The following URI1 variants were observed in gnomAD, a reference collection of about 807,000 sequenced individuals.
URI1 encodes the protein unconventional prefoldin RPB5 interactor 1.
Under a neutral mutation model 60.2 loss-of-function variants are expected in URI1, and 39 were observed. That is an observed-to-expected ratio of 0.65 (90% CI 0.50 to 0.85). The LOEUF (loss-of-function observed/expected upper bound fraction) is 0.85, where lower values mean the gene tolerates loss of function less well. URI1 is among the 40% of genes least tolerant of loss of function. The pLI is 0.00. For synonymous variants in URI1, 251 were observed against 236.8 expected, an observed-to-expected ratio of 1.06 and a Z score of -0.55; for missense variants, 691 against 665.9, an observed-to-expected ratio of 1.04 and a Z score of -0.42.
At chr19:29,968,747 A>AT (rs1177463072) in intron 1 of URI1, among the ~76,000 whole-genome samples, 1 of 150,606 alleles carries the variant, frequency 6.6e-6, no homozygotes, top group Non-Finnish European at 1.5e-5. Flanking sequence ...ATTTTTTTGT[A>AT]TTTTTAGTAG....
chr19:29,959,839 T>C (rs1455390535), intron 1 of URI1, among the ~76,000 whole-genome samples: 4 of 152,112 alleles, frequency 2.6e-5, no homozygotes. Flanking sequence ...CTTTCTACTT[T>C]ACTGATTTCT....
chr19:30,002,696 G>C (rs536165158), intron 4 of URI1, among the ~76,000 whole-genome samples: 1 of 151,806 alleles, frequency 6.6e-6, no homozygotes, highest in South Asian at 2.1e-4. Context: ...TTTTTGGGGT[G>C]GGGGGAAGTA....
At chr19:29,968,565 CTTTTTTT>C (rs35475321) in intron 1 of URI1, among the ~76,000 whole-genome samples, 63 of 74,402 alleles carry the variant, frequency 8.5e-4, no homozygotes, top group African/African-American at 2.9e-3. Flanking sequence ...CTAATTTTTT[CTTTTTTT>C]TTTTTTTTTT....
chr19:30,013,629 G>T (rs2056050187), intron 10 of URI1, among the ~76,000 whole-genome samples: 2 of 152,220 alleles, frequency 1.3e-5, no homozygotes, highest in Admixed American at 6.5e-5. Flanking sequence ...TTTGCATTTT[G>T]TATGGAAATG....
intron 1 of URI1, among the ~76,000 whole-genome samples, chr19:29,932,974 G>A (rs1407486859): frequency 6.6e-6 from 1 of 152,096 alleles, no homozygotes. Flanking sequence ...ATTTTTATAT[G>A]GTGAATCACC....
rs1439067178 is a variant in URI1 at position 30,010,139 on chromosome 19, TGGTTGGTAACAAAACA to T, written c.1035+789_1035+804del. Among the ~76,000 whole-genome samples the T allele has an allele frequency of 2.0e-5, 3 of 152,218 alleles. No individual in the cohort carries two copies. The South Asian group carries it at 6.2e-4, about 31-fold the overall frequency. On this transcript the variant is annotated intron_variant, in intron 8 of 10. Transcript: ENST00000392271. ...ATTTAAGGCCTAGAAGACATAGATC[TGGTTGGTAACAAAACA>T]GGAACTCTTTCGCCTCTGAGTGCCC...
intron 2 of URI1, among the ~76,000 whole-genome samples, chr19:29,981,365 T>C (rs1220924601): frequency 2.0e-5 from 3 of 152,230 alleles, no homozygotes; most frequent in Non-Finnish European, 2.9e-5. Context: ...ATTTCTCTCT[T>C]ACTTTCTACA....
At chr19:29,953,691 G>GTTT (rs71333422) in intron 1 of URI1, among the ~76,000 whole-genome samples, 4 of 147,156 alleles carry the variant, frequency 2.7e-5, no homozygotes, top group Admixed American at 6.7e-5. Context: ...TTTCTTATTA[G>GTTT]TTTTTTTTTT....
chr19:29,966,110 A>G (rs2055388202), intron 1 of URI1, among the ~76,000 whole-genome samples: 1 of 152,192 alleles, frequency 6.6e-6, no homozygotes, highest in Admixed American at 6.5e-5. Flanking sequence ...TAAAATTGAA[A>G]TGGTTTTCTT....
At chr19:29,962,436 CTAAG>C (rs908267928) in intron 1 of URI1, among the ~76,000 whole-genome samples, 1 of 130,104 alleles carries the variant, frequency 7.7e-6, no homozygotes, top group African/African-American at 2.9e-5. Context: ...TTCCTTTTCA[CTAAG>C]TAAGTCTCTG....
At chr19:29,944,140 C>CATGTATAT in intron 1 of URI1, among the ~76,000 whole-genome samples, 1 of 37,152 alleles carries the variant, frequency 2.7e-5, no homozygotes, top group South Asian at 8.2e-4. Context: ...CCCTGTCATT[C>CATGTATAT]ATATATATAT....
At chr19:29,986,472 T>C in intron 4 of URI1, 55 bp downstream of exon 4, 1 of 1,564,428 alleles carries the variant, frequency 6.4e-7, no homozygotes, top group East Asian at 2.4e-5. Context: ...CATTCACAGA[T>C]TGCCAAGCTG....
chr19:29,996,472 G>A (rs897582197), intron 4 of URI1, among the ~76,000 whole-genome samples: 3 of 146,194 alleles, frequency 2.1e-5, no homozygotes, highest in Non-Finnish European at 3.0e-5. Flanking sequence ...AGCTTTACAA[G>A]GGTGTTTTGT....
intron 8 of URI1, 72 bp downstream of exon 8, chr19:30,009,425 A>G: frequency 7.5e-7 from 1 of 1,334,238 alleles, no homozygotes; most frequent in South Asian, 1.4e-5. Context: ...TTTTTAGAAG[A>G]GCAATATTAA....
At chr19:30,013,122 A>G (rs549785983) in intron 10 of URI1, among the ~76,000 whole-genome samples, 1 of 152,306 alleles carries the variant, frequency 6.6e-6, no homozygotes, top group East Asian at 1.9e-4. Context: ...GAGGTTAGGA[A>G]ATCCCCAAAT....
At chr19:29,989,270 C>T (rs535009498) in intron 4 of URI1, among the ~76,000 whole-genome samples, 96 of 151,916 alleles carry the variant, frequency 6.3e-4, no homozygotes, top group African/African-American at 2.2e-3. Context: ...GCCACCATGC[C>T]CGGCTAATTT....
intron 2 of URI1, among the ~76,000 whole-genome samples, chr19:29,976,622 A>T (rs1278013624): frequency 6.6e-6 from 1 of 152,234 alleles, no homozygotes; most frequent in African/African-American, 2.4e-5. Flanking sequence ...CAATGACTTT[A>T]TTGAATAGGT....
At chr19:29,936,255 C>G (rs573543415) in intron 1 of URI1, among the ~76,000 whole-genome samples, 1 of 152,264 alleles carries the variant, frequency 6.6e-6, no homozygotes, top group South Asian at 2.1e-4. Context: ...AGGTGCCCAC[C>G]ACCGCATCTG....
At chr19:29,962,122 G>C (rs569474672) in intron 1 of URI1, among the ~76,000 whole-genome samples, 24 of 152,150 alleles carry the variant, frequency 1.6e-4, no homozygotes, top group Non-Finnish European at 3.2e-4. Flanking sequence ...ATTCACAAGG[G>C]TTCCAGTCCA....
Sources: allele counts gnomAD v4.1 joint callset (sites outside exome capture counted in the v4.1 genomes callset), GRCh38; gene constraint gnomAD v4.1.1; transcripts MANE v1.5; gene names NCBI Gene and HGNC (gene_info 2026-07-23, HGNC 2026-07-21).